The following SLC25A13 variants were observed in gnomAD, a reference collection of about 807,000 sequenced individuals.
The protein encoded by SLC25A13 is electrogenic aspartate/glutamate antiporter SLC25A13, mitochondrial.
Under a neutral mutation model 85.5 loss-of-function variants are expected in SLC25A13, and 70 were observed. The ratio of observed to expected loss-of-function variants is 0.82; its 90% CI spans 0.68 to 1.00. The LOEUF is 1.00. SLC25A13 is among the 50% of genes least tolerant of loss of function. The pLI is 0.00. For synonymous variants in SLC25A13, 259 were observed against 288.7 expected (o/e 0.90, Z 1.04); for missense variants, 765 against 819.8 (o/e 0.93, Z 0.82).
chr7:96,275,483 C>T (rs1349294362), intron 3 of SLC25A13, among the ~76,000 whole-genome samples: 2 of 152,116 alleles, frequency 1.3e-5, no homozygotes, highest in East Asian at 3.8e-4. Flanking sequence ...TTGGAATCAA[C>T]CCAAATGTCC....
At chr7:96,320,608 A>T (rs977934126) in intron 1 of SLC25A13, among the ~76,000 whole-genome samples, 1 of 152,232 alleles carries the variant, frequency 6.6e-6, no homozygotes, top group African/African-American at 2.4e-5. Flanking sequence ...GAAACTGCTG[A>T]AAAGTTATAG....
chr7:96,285,529 G>A (rs984688327), intron 2 of SLC25A13, among the ~76,000 whole-genome samples: 4 of 151,962 alleles, frequency 2.6e-5, no homozygotes, highest in African/African-American at 4.8e-5. Flanking sequence ...GTTCCTTGTC[G>A]CCTCTCCAAC....
intron 13 of SLC25A13, among the ~76,000 whole-genome samples, chr7:96,166,723 T>C (rs551060469): frequency 6.6e-6 from 1 of 152,254 alleles, no homozygotes; most frequent in South Asian, 2.1e-4. Flanking sequence ...ATAAAAACAA[T>C]ATATTCAGAG....
chr7:96,239,085 A>G (rs1796866266), intron 3 of SLC25A13, among the ~76,000 whole-genome samples: 2 of 146,094 alleles, frequency 1.4e-5, no homozygotes, highest in East Asian at 2.0e-4. Context: ...ATGTATATAC[A>G]AAGCCTTGTC....
intron 2 of SLC25A13, among the ~76,000 whole-genome samples, chr7:96,293,725 G>A (rs138763040): frequency 0.65 from 98,857 of 152,084 alleles, 32,416 homozygotes; most frequent in Non-Finnish European, 0.67. Flanking sequence ...CAAAACCACA[G>A]TGAGATACCA....
chr7:96,266,733 G>T (rs545523127), intron 3 of SLC25A13, among the ~76,000 whole-genome samples: 22 of 152,112 alleles, frequency 1.4e-4, no homozygotes, highest in Admixed American at 5.2e-4. Context: ...CCACCACATT[G>T]CACAACCCCT....
chr7:96,253,940 G>T (rs1305920446), intron 3 of SLC25A13, among the ~76,000 whole-genome samples: 1 of 152,090 alleles, frequency 6.6e-6, no homozygotes, highest in Admixed American at 6.6e-5. Flanking sequence ...AAGGAATGAG[G>T]AAGATTTCTT....
chr7:96,321,904 G>A (rs1234805771), intron 1 of SLC25A13, 38 bp downstream of exon 1: 4 of 1,524,330 alleles, frequency 2.6e-6, no homozygotes, highest in East Asian at 5.3e-5. Flanking sequence ...AGGCTGATCC[G>A]GCAGGCGCGC....
At chr7:96,217,346 T>C (rs937451344) in intron 4 of SLC25A13, among the ~76,000 whole-genome samples, 2 of 152,170 alleles carry the variant, frequency 1.3e-5, no homozygotes, top group Non-Finnish European at 2.9e-5. Flanking sequence ...AAGTTCAACA[T>C]AGAATTATAA....
chr7:96,290,059 T>G (rs1799055199), intron 2 of SLC25A13, among the ~76,000 whole-genome samples: 1 of 152,118 alleles, frequency 6.6e-6, no homozygotes, highest in Non-Finnish European at 1.5e-5. Flanking sequence ...TAACAGCAGA[T>G]CTCTCGACAG....
At chr7:96,298,347 C>T (rs887501073) in intron 1 of SLC25A13, among the ~76,000 whole-genome samples, 1 of 152,162 alleles carries the variant, frequency 6.6e-6, no homozygotes, top group African/African-American at 2.4e-5. Flanking sequence ...GATGGTTGGT[C>T]ACCTTGTTTC....
chr7:96,127,174 TTAGA>T (rs1215161468), intron 15 of SLC25A13, among the ~76,000 whole-genome samples: 1 of 152,212 alleles, frequency 6.6e-6, no homozygotes, highest in Non-Finnish European at 1.5e-5. Flanking sequence ...AATTTGAGTA[TTAGA>T]TATATTTTAT....
intron 2 of SLC25A13, among the ~76,000 whole-genome samples, chr7:96,282,392 T>G (rs1201892290): frequency 6.6e-6 from 1 of 152,216 alleles, no homozygotes; most frequent in Admixed American, 6.5e-5. Flanking sequence ...CTACCCATTT[T>G]GTCATGAATC....
At chr7:96,140,397 CTTTTTT>C (rs59863233) in intron 14 of SLC25A13, among the ~76,000 whole-genome samples, 34 of 88,138 alleles carry the variant, frequency 3.9e-4, no homozygotes, top group African/African-American at 1.1e-3. Flanking sequence ...CAAGGATCTC[CTTTTTT>C]TTTTTTTTTT....
intron 3 of SLC25A13, among the ~76,000 whole-genome samples, chr7:96,241,562 ATT>A (rs1796999968): frequency 6.6e-6 from 1 of 152,164 alleles, no homozygotes; most frequent in Non-Finnish European, 1.5e-5. Context: ...GGACAATAAT[ATT>A]TTGCATACAC....
In SLC25A13 at chr7:96,297,090, T is replaced by C. The variant is rs1799378551; in HGVS notation, c.16-139A>G. 7.9e-6 allele frequency: 6 copies of C among 756,738 alleles called. No individual in the cohort carries two copies. The South Asian group carries it at 9.3e-5, about 12-fold the overall frequency. The allele number at this position is 756,738 out of a possible 1,614,324, so 46.9% of individuals were successfully genotyped here. On this transcript the variant is annotated intron_variant, in intron 1 of 17. Transcript: ENST00000265631. ...TTAAATACCATGTTGCCCCAGTGCA[T>C]AAACTATGCCCCCTTCCCATTTTAA...
intron 1 of SLC25A13, among the ~76,000 whole-genome samples, chr7:96,299,631 C>T (rs1447819563): frequency 6.6e-6 from 1 of 152,154 alleles, no homozygotes; most frequent in Admixed American, 6.5e-5. Context: ...ACATTACAGG[C>T]AGCTTCAAAG....
intron 4 of SLC25A13, among the ~76,000 whole-genome samples, chr7:96,220,610 TAA>T (rs1796085361): frequency 6.6e-6 from 1 of 152,224 alleles, no homozygotes; most frequent in South Asian, 2.1e-4. Flanking sequence ...AAGAATGGTA[TAA>T]TTTTCCTATC....
intron 3 of SLC25A13, among the ~76,000 whole-genome samples, chr7:96,239,375 T>G (rs543091209): frequency 4.7e-5 from 7 of 150,520 alleles, no homozygotes; most frequent in African/African-American, 1.7e-4. Flanking sequence ...TATATATATA[T>G]ATGTATATAC....
Sources: gnomAD v4.1 joint callset for allele counts (sites outside exome capture counted in the v4.1 genomes callset) on GRCh38, gnomAD v4.1.1 for gene constraint, MANE v1.5 for transcripts, NCBI Gene and HGNC (gene_info 2026-07-23, HGNC 2026-07-21) for gene names.